DNAJC6: variants seen among roughly 807,000 people sequenced by gnomAD.
The protein encoded by DNAJC6 is DnaJ heat shock protein family (Hsp40) member C6.
DNAJC6 carries 34 observed loss-of-function variants against 110.0 expected under a neutral mutation model. That is an observed-to-expected ratio of 0.31 (90% CI 0.24 to 0.41). The LOEUF (loss-of-function observed/expected upper bound fraction) is 0.41, where lower values mean the gene tolerates loss of function less well. DNAJC6 is among the 10% of genes least tolerant of loss of function. The probability of loss-of-function intolerance (pLI) is 1.00; values close to 1 mark genes in which losing one functional copy is unlikely to be tolerated. For synonymous variants in DNAJC6, 406 were observed against 437.2 expected (o/e 0.93, Z 0.89); for missense variants, 1,031 against 1,207.8 (o/e 0.85, Z 2.17).
intron 4 of DNAJC6, among the ~76,000 whole-genome samples, chr1:65,366,543 A>C (rs1645648241): frequency 6.6e-6 from 1 of 152,192 alleles, no homozygotes; most frequent in African/African-American, 2.4e-5. Context: ...TACACTAATT[A>C]TGCCGTTGAC....
At chr1:65,287,057 C>G (rs1034281395) in intron 1 of DNAJC6, among the ~76,000 whole-genome samples, 3 of 152,088 alleles carry the variant, frequency 2.0e-5, no homozygotes, top group African/African-American at 7.2e-5. Context: ...AGTTATTAAA[C>G]TTTTACTGAC....
chr1:65,287,412 CCTT>C (rs562429533), intron 1 of DNAJC6, among the ~76,000 whole-genome samples: 28 of 152,164 alleles, frequency 1.8e-4, no homozygotes, highest in Non-Finnish European at 3.5e-4. Context: ...TTCCTTATCT[CCTT>C]CTTTAAAAGT....
At chr1:65,289,812 G>GTT (rs34346164) in intron 1 of DNAJC6, among the ~76,000 whole-genome samples, 13 of 138,048 alleles carry the variant, frequency 9.4e-5, no homozygotes, top group African/African-American at 1.3e-4. Context: ...TGTCATTGTT[G>GTT]TTTTTTTTTT....
At chr1:65,287,394 G>A (rs1654056608) in intron 1 of DNAJC6, among the ~76,000 whole-genome samples, 1 of 151,978 alleles carries the variant, frequency 6.6e-6, no homozygotes, top group African/African-American at 2.4e-5. Context: ...AGTTCATTTT[G>A]GCCTCACTTC....
chr1:65,320,344 G>A (rs974989173), intron 1 of DNAJC6, among the ~76,000 whole-genome samples: 2 of 152,116 alleles, frequency 1.3e-5, no homozygotes, highest in Admixed American at 6.6e-5. Context: ...CTTCTTCCCT[G>A]TTGCTGAAGC....
intron 1 of DNAJC6, among the ~76,000 whole-genome samples, chr1:65,344,471 G>C (rs74080552): frequency 6.6e-6 from 1 of 152,124 alleles, no homozygotes; most frequent in Non-Finnish European, 1.5e-5. Flanking sequence ...TGGGCAGCTA[G>C]TGTGCCAGGG....
intron 1 of DNAJC6, among the ~76,000 whole-genome samples, chr1:65,345,229 CGTGTGTGTGTGTGT>C (rs55934054): frequency 8.3e-5 from 12 of 143,846 alleles, no homozygotes; most frequent in East Asian, 2.1e-4. Flanking sequence ...CTCTCCCTTT[CGTGTGTGTGTGTGT>C]GTGTGTGTGT....
At chr1:65,327,330 T>A (rs1349898357) in intron 1 of DNAJC6, among the ~76,000 whole-genome samples, 1 of 152,138 alleles carries the variant, frequency 6.6e-6, no homozygotes, top group East Asian at 1.9e-4. Context: ...AGAAACAAAC[T>A]TAAAATAGTT....
chr1:65,396,525 C>A (rs1645978450), intron 13 of DNAJC6, among the ~76,000 whole-genome samples: 2 of 152,098 alleles, frequency 1.3e-5, no homozygotes, highest in African/African-American at 4.8e-5. Flanking sequence ...CATACTCTTC[C>A]CCAGGCATCT....
rs1175009626 is a variant in DNAJC6 at position 65,394,784 on chromosome 1, CAA to C, written c.1904-112_1904-111del. On this transcript the variant is annotated intron_variant, in intron 12 of 18. Coordinates refer to ENST00000371069, the MANE Select transcript of DNAJC6 (RefSeq NM_001256864.2). The stretch of plus-strand genomic sequence containing the variant: ...TAAGTCCAGACTACTCCTTTGTCCA[CAA>C]AGATAGGAAATTCTTGGAGTCCACT... 6.9e-6 allele frequency: 9 copies of C among 1,300,648 alleles called. No homozygotes were observed. In the East Asian group the frequency reaches 1.3e-4, roughly 19 times the overall value. The allele number at this position is 1,300,648 out of a possible 1,614,324, so 80.6% of individuals were successfully genotyped here. A position where few individuals can be genotyped will look rare whatever the true frequency, so the allele number is the denominator to read the frequency against.
intron 1 of DNAJC6, among the ~76,000 whole-genome samples, chr1:65,354,323 G>A (rs1271707155): frequency 6.6e-6 from 1 of 152,118 alleles, no homozygotes; most frequent in Admixed American, 6.5e-5. Flanking sequence ...ATTTCATTCT[G>A]TTGTGACTGT....
chr1:65,384,630 T>G (rs975520674), intron 6 of DNAJC6, among the ~76,000 whole-genome samples: 2 of 152,126 alleles, frequency 1.3e-5, no homozygotes, highest in Non-Finnish European at 2.9e-5. Flanking sequence ...CTGCCCTTTA[T>G]GAAACCATCA....
intron 1 of DNAJC6, among the ~76,000 whole-genome samples, chr1:65,331,517 G>A (rs1303150739): frequency 6.6e-6 from 1 of 152,200 alleles, no homozygotes; most frequent in South Asian, 2.1e-4. Flanking sequence ...AGGTTGTACA[G>A]CGATTACAGG....
intron 1 of DNAJC6, chr1:65,279,020 A>G: frequency 1.0e-6 from 1 of 985,398 alleles, no homozygotes; most frequent in Non-Finnish European, 1.2e-6. Flanking sequence ...TATTTCCTGC[A>G]AACCTGGAGA....
chr1:65,310,015 C>T, intron 1 of DNAJC6, 77 bp downstream of exon 1: 1 of 1,366,354 alleles, frequency 7.3e-7, no homozygotes, highest in South Asian at 1.7e-5. Flanking sequence ...GCCCGAGGCC[C>T]CCCCGTGGTC....
At chr1:65,370,026 T>G (rs756099181) in intron 4 of DNAJC6, among the ~76,000 whole-genome samples, 2 of 152,168 alleles carry the variant, frequency 1.3e-5, no homozygotes, top group Non-Finnish European at 2.9e-5. Context: ...AAAGGATGTA[T>G]GAAACCTCAG....
intron 1 of DNAJC6, among the ~76,000 whole-genome samples, chr1:65,271,305 A>G (rs1653497232): frequency 6.6e-6 from 1 of 152,118 alleles, no homozygotes; most frequent in African/African-American, 2.4e-5. Flanking sequence ...GAAATATACA[A>G]CACATTATTA....
chr1:65,404,563 G>A (rs1232024027), intron 15 of DNAJC6, among the ~76,000 whole-genome samples: 1 of 152,186 alleles, frequency 6.6e-6, no homozygotes, highest in Non-Finnish European at 1.5e-5. Context: ...ATGAATGAAT[G>A]AAGAACGAAT....
At chr1:65,266,574 C>T (rs1653339629) in intron 1 of DNAJC6, among the ~76,000 whole-genome samples, 1 of 152,086 alleles carries the variant, frequency 6.6e-6, no homozygotes, top group Admixed American at 6.6e-5. Flanking sequence ...GTTTCTAAGC[C>T]AGCATCTTAA....
Sources: gnomAD v4.1 joint callset for allele counts (sites outside exome capture counted in the v4.1 genomes callset) on GRCh38, gnomAD v4.1.1 for gene constraint, MANE v1.5 for transcripts, NCBI Gene and HGNC (gene_info 2026-07-23, HGNC 2026-07-21) for gene names.